AR: variants seen among roughly 807,000 people sequenced by gnomAD.
AR encodes androgen receptor.
AR carries 8 observed loss-of-function variants against 53.9 expected under a neutral mutation model. That is an observed-to-expected ratio of 0.15 (90% CI 0.09 to 0.27). The LOEUF (loss-of-function observed/expected upper bound fraction) is 0.27, where lower values mean the gene tolerates loss of function less well. AR is among the 10% of genes least tolerant of loss of function. AR has a pLI of 1.00. For missense variants in AR, 639 were observed against 742.5 expected (o/e 0.86, Z 1.62); for synonymous variants, 359 against 316.4 (o/e 1.13, Z -1.43).
chrX:67,671,064 C>T (rs773637455), intron 2 of AR, among the ~76,000 whole-genome samples: 27 of 111,870 alleles, frequency 2.4e-4, no homozygotes, highest in Non-Finnish European at 3.8e-4. Flanking sequence ...AATAAACATA[C>T]GTGTGCATTT....
intron 4 of AR, among the ~76,000 whole-genome samples, chrX:67,716,145 C>T (rs975092294): frequency 3.6e-5 from 4 of 111,900 alleles, no homozygotes; most frequent in Non-Finnish European, 7.5e-5. Flanking sequence ...CACTCAAATA[C>T]GTGGACTGTA....
At chrX:67,596,434 T>A (rs1030587541) in intron 1 of AR, among the ~76,000 whole-genome samples, 1 of 111,709 alleles carries the variant, frequency 9.0e-6, no homozygotes, top group Non-Finnish European at 1.9e-5. Context: ...TAAATTAAAC[T>A]AATTATTTAA....
At chrX:67,564,190 T>C (rs1307799038) in intron 1 of AR, among the ~76,000 whole-genome samples, 1 of 111,431 alleles carries the variant, frequency 9.0e-6, no homozygotes, top group Admixed American at 9.5e-5. Flanking sequence ...TCGGAGCAGC[T>C]CTTTGCTTGG....
At chrX:67,632,156 G>A (rs1391345694) in intron 1 of AR, among the ~76,000 whole-genome samples, 1 of 113,085 alleles carries the variant, frequency 8.8e-6, no homozygotes, top group Non-Finnish European at 1.9e-5. Flanking sequence ...TTGAGCTGTG[G>A]TGGGCTCCAC....
At chrX:67,661,765 G>C (rs1296251541) in intron 2 of AR, among the ~76,000 whole-genome samples, 2 of 111,340 alleles carry the variant, frequency 1.8e-5, no homozygotes, top group Non-Finnish European at 3.8e-5. Context: ...CAGAAGGAAG[G>C]GTACCAGCTC....
intron 2 of AR, among the ~76,000 whole-genome samples, chrX:67,672,287 C>T (rs1569301862): frequency 9.0e-6 from 1 of 111,106 alleles, no homozygotes; most frequent in Admixed American, 9.6e-5. Flanking sequence ...TCTTGTTTTT[C>T]ATCCATTCAG....
chrX:67,718,863 A>G (rs1326807162), intron 5 of AR, among the ~76,000 whole-genome samples: 1 of 111,276 alleles, frequency 9.0e-6, no homozygotes, highest in Non-Finnish European at 1.9e-5. Flanking sequence ...CAAACTCCTG[A>G]CCTCATGATC....
intron 2 of AR, among the ~76,000 whole-genome samples, chrX:67,654,658 G>T (rs1219190508): frequency 9.3e-6 from 1 of 107,881 alleles, no homozygotes; most frequent in Non-Finnish European, 1.9e-5. Context: ...AGCTAGCAAG[G>T]TCATAAATTA....
At chrX:67,577,890 TCA>T (rs1011398907) in intron 1 of AR, among the ~76,000 whole-genome samples, 3 of 111,820 alleles carry the variant, frequency 2.7e-5, no homozygotes, top group African/African-American at 9.7e-5. Context: ...GGATGATACT[TCA>T]CAGTTATATG....
rs752313495 is a variant in AR, at chrX:67,632,335, C to T, written c.1617-10921C>T. Reference sequence around the variant, plus strand: ...CTCTGAGCCATGTGCGGGATATAATCTCCTGGTGCGCCGTTTTTTAAGCCC... The same window carrying T: ...CTCTGAGCCATGTGCGGGATATAATTTCCTGGTGCGCCGTTTTTTAAGCCC... On this transcript the variant is annotated intron_variant, in intron 1 of 7. Coordinates refer to ENST00000374690, the MANE Select transcript of AR (RefSeq NM_000044.6). Among the ~76,000 whole-genome samples, 532 of 112,913 alleles carry T rather than the reference C, an allele frequency of 4.7e-3. 1 individual carries two copies. Among genetic ancestry groups the T allele is most frequent in the Non-Finnish European group, 7.5e-3 (401 of 53,302 alleles).
chrX:67,577,378 T>C (rs546594502), intron 1 of AR, among the ~76,000 whole-genome samples: 1 of 111,691 alleles, frequency 9.0e-6, no homozygotes, highest in East Asian at 2.8e-4. Flanking sequence ...CATCAGTTGA[T>C]GGACATTTGG....
intron 2 of AR, among the ~76,000 whole-genome samples, chrX:67,675,832 G>A (rs1602247112): frequency 9.0e-6 from 1 of 111,650 alleles, no homozygotes; most frequent in African/African-American, 3.3e-5. Flanking sequence ...TGCAAGCGGG[G>A]ATGGGGGACA....
chrX:67,588,762 CCCATTG>C (rs1013669440), intron 1 of AR, among the ~76,000 whole-genome samples: 1 of 111,913 alleles, frequency 8.9e-6, no homozygotes, highest in African/African-American at 3.3e-5. Context: ...TGTTTCTTTC[CCCATTG>C]CCATCTGCAG....
intron 2 of AR, among the ~76,000 whole-genome samples, chrX:67,664,544 G>T (rs974773144): frequency 3.6e-5 from 4 of 112,213 alleles, no homozygotes; most frequent in African/African-American, 1.3e-4. Context: ...GTGCCTCCCA[G>T]TTAGGCTACT....
chrX:67,554,310 A>T (rs1244768800), intron 1 of AR, among the ~76,000 whole-genome samples: 2 of 112,378 alleles, frequency 1.8e-5, no homozygotes, highest in Non-Finnish European at 3.8e-5. Context: ...AGCTAAAATC[A>T]TAATTTTATG....
chrX:67,555,936 TG>T (rs1457807849), intron 1 of AR, among the ~76,000 whole-genome samples: 2 of 112,606 alleles, frequency 1.8e-5, no homozygotes, highest in East Asian at 5.6e-4. Flanking sequence ...TGGTACTTAC[TG>T]TTTCATTTGG....
At chrX:67,609,484 A>T (rs750890872) in intron 1 of AR, among the ~76,000 whole-genome samples, 1 of 111,621 alleles carries the variant, frequency 9.0e-6, no homozygotes, top group African/African-American at 3.2e-5. Flanking sequence ...ATTTTATTTT[A>T]TTATTAATAA....
intron 1 of AR, among the ~76,000 whole-genome samples, chrX:67,547,814 T>C (rs144673928): frequency 0.011 from 1,214 of 111,921 alleles, 13 homozygotes; most frequent in African/African-American, 0.037. Flanking sequence ...TAAGAACTCT[T>C]AATGACCTAT....
chrX:67,584,715 T>C (rs1922454179), intron 1 of AR, among the ~76,000 whole-genome samples: 1 of 112,023 alleles, frequency 8.9e-6, no homozygotes, highest in African/African-American at 3.2e-5. Context: ...TGGGAAAATA[T>C]AAGAAACAAA....
Sources: allele counts gnomAD v4.1 joint callset (sites outside exome capture counted in the v4.1 genomes callset), GRCh38; gene constraint gnomAD v4.1.1; transcripts MANE v1.5; gene names NCBI Gene and HGNC (gene_info 2026-07-23, HGNC 2026-07-21).